Variants in ECPAS observed in about 807,000 individuals in gnomAD.
ECPAS encodes the protein proteasome adapter and scaffold protein ECM29.
ECPAS carries 70 observed loss-of-function variants against 255.1 expected under a neutral mutation model. The ratio of observed to expected loss-of-function variants is 0.27; its 90% CI spans 0.23 to 0.33. The LOEUF (loss-of-function observed/expected upper bound fraction) is 0.33. ECPAS is among the 10% of genes least tolerant of loss of function. The pLI is 1.00. For synonymous variants in ECPAS, 784 were observed against 775.0 expected, an observed-to-expected ratio of 1.01 and a Z score of -0.19; for missense variants, 1,817 against 2,206.4, an observed-to-expected ratio of 0.82 and a Z score of 3.54.
rs2098113391 is a variant in ECPAS at position 111,361,630 on chromosome 9, T to A, written c.*400A>T. The stretch of plus-strand genomic sequence containing the variant: ...ACACAGCTTCCTATTTCTTCAGGTG[T>A]AAGAGGGAGGTTAAAATAAGTTATT... On this transcript the variant is annotated 3_prime_UTR_variant, in exon 50 of 50. Coordinates refer to ENST00000684092, the MANE Select transcript of ECPAS (RefSeq NM_001364929.1). The A allele has an allele frequency of 6.5e-6, 1 of 153,850 alleles. No homozygotes were observed. Among genetic ancestry groups the A allele is most frequent in the Non-Finnish European group, 1.4e-5 (1 of 69,566 alleles). The allele number at this position is 153,850 out of a possible 1,614,324, so 9.5% of individuals were successfully genotyped here. A position where few individuals can be genotyped will look rare whatever the true frequency, so the allele number is the denominator to read the frequency against.
intron 29 of ECPAS, among the ~76,000 whole-genome samples, chr9:111,390,972 C>A (rs1299195845): frequency 6.6e-6 from 1 of 152,176 alleles, no homozygotes; most frequent in Non-Finnish European, 1.5e-5. Context: ...GTCAGTCTCC[C>A]ACAACTGCCC....
chr9:111,466,370 G>A (rs968629412), intron 2 of ECPAS, among the ~76,000 whole-genome samples: 35 of 152,074 alleles, frequency 2.3e-4, no homozygotes, highest in African/African-American at 8.0e-4. Flanking sequence ...GCTTGAACCC[G>A]GGAGGTAGAG....
In ECPAS at chr9:111,428,061, G is replaced by A. The variant is rs200310576; in HGVS notation, c.1031C>T (p.Thr344Met). Residue 344 changes from threonine to methionine, a missense_variant, in exon 10 of 50, where the codon ACG (threonine) becomes ATG (methionine). Coordinates refer to ENST00000684092, the MANE Select transcript of ECPAS (RefSeq NM_001364929.1). ...AATTACCTGAATGTTGGCTGGGAAC[G>A]TTTCAGCAGCTTGTCTAGAGCGGAG... ...HLLRSRQAAETFPANIQVVYD... is the reference protein window; with the variant it reads ...HLLRSRQAAEMFPANIQVVYD... 27 of 1,613,340 alleles carry A rather than the reference G, an allele frequency of 1.7e-5. No homozygotes were observed. The East Asian group carries it at 2.5e-4, about 15-fold the overall frequency.
intron 1 of ECPAS, among the ~76,000 whole-genome samples, chr9:111,476,001 TCCTCTAAAAGAGCTA>T (rs930787866): frequency 9.2e-5 from 14 of 152,256 alleles, no homozygotes; most frequent in Admixed American, 6.5e-4. Flanking sequence ...CCAAATCTCA[TCCTCTAAAAGAGCTA>T]CCAGGATTCC....
At chr9:111,366,141 G>T in intron 48 of ECPAS, 98 bp downstream of exon 48, 1 of 771,364 alleles carries the variant, frequency 1.3e-6, no homozygotes, top group South Asian at 1.7e-5. Flanking sequence ...AGCTATTTCA[G>T]AAATTTAGTT....
At chr9:111,422,733 G>A (rs531553106) in intron 13 of ECPAS, among the ~76,000 whole-genome samples, 1 of 152,102 alleles carries the variant, frequency 6.6e-6, no homozygotes, top group African/African-American at 2.4e-5. Context: ...TTCAAATACA[G>A]TGAAGGAAGA....
intron 17 of ECPAS, among the ~76,000 whole-genome samples, chr9:111,417,112 C>A (rs531319418): frequency 6.6e-6 from 1 of 151,964 alleles, no homozygotes; most frequent in Non-Finnish European, 1.5e-5. Flanking sequence ...CGGTGGTGCA[C>A]GCCTGTAGTC....
intron 24 of ECPAS, 117 bp from the exon 25 acceptor site, chr9:111,397,270 C>T: frequency 7.7e-7 from 1 of 1,304,766 alleles, no homozygotes; most frequent in African/African-American, 1.5e-5. Context: ...TCACTCTTTG[C>T]CCTAGTTTGC....
intron 9 of ECPAS, among the ~76,000 whole-genome samples, chr9:111,430,101 T>C (rs1005874645): frequency 6.6e-6 from 1 of 152,252 alleles, no homozygotes; most frequent in Non-Finnish European, 1.5e-5. Context: ...CATTTTGTAA[T>C]GGTTAAAAAA....
At chr9:111,435,326 T>C (rs1488345777) in intron 7 of ECPAS, among the ~76,000 whole-genome samples, 1 of 152,170 alleles carries the variant, frequency 6.6e-6, no homozygotes, top group Non-Finnish European at 1.5e-5. Context: ...TAGAGGAAAA[T>C]AGCTTTCATC....
At position 111,373,336 on chromosome 9, in the gene ECPAS, A is replaced by C; in HGVS notation, c.4248T>G (p.Phe1416Leu). 1 of 1,613,894 alleles carries C rather than the reference A, an allele frequency of 6.2e-7. No individual in the cohort carries two copies. Among genetic ancestry groups the C allele is most frequent in the Non-Finnish European group, 8.5e-7 (1 of 1,179,816 alleles). Residue 1416 changes from phenylalanine (F) to leucine (L), a missense_variant, in exon 40 of 50, where the codon TTT (phenylalanine) becomes TTG (leucine). Around this residue, in one of 4 missense-constraint regions of ECPAS, gnomAD observed 960 missense variants for 1,179.0 expected, o/e 0.81. Transcript: ENST00000684092. ...RNSVIQKSCAFAMGHLVRTSR... is the reference protein window; with the variant it reads ...RNSVIQKSCALAMGHLVRTSR... ...TCACCCGAACTAAATGGCCCATAGC[A>C]AATGCACAAGATTTCTGAATCACAC...
At chr9:111,474,446 T>C (rs562655350) in intron 1 of ECPAS, among the ~76,000 whole-genome samples, 2 of 152,320 alleles carry the variant, frequency 1.3e-5, no homozygotes, top group Admixed American at 6.5e-5. Flanking sequence ...CTGTCCCAAC[T>C]CAGACCCTAA....
intron 35 of ECPAS, among the ~76,000 whole-genome samples, chr9:111,379,955 T>C (rs987945573): frequency 2.6e-5 from 4 of 152,172 alleles, no homozygotes; most frequent in African/African-American, 9.7e-5. Flanking sequence ...TCCATGAAAG[T>C]TGGAATCAAC....
rs2098186415 is a variant in ECPAS, at chr9:111,407,428, A to AAAAAG, written c.2652+1142_2652+1143insCTTTT. Among the ~76,000 whole-genome samples the AAAAAG allele has an allele frequency of 7.4e-4, 73 of 98,720 alleles. 4 individuals are homozygous for AAAAAG. Among genetic ancestry groups the AAAAAG allele is most frequent in the Non-Finnish European group, 1.4e-3 (55 of 38,756 alleles). 64.8% of individuals were successfully genotyped at this position (98,720 alleles called of 152,430 possible). A position where few individuals can be genotyped will look rare whatever the true frequency, so the allele number is the denominator to read the frequency against. ...GAAAAAAAAAAAAAAAAAAAAAAAAAAAAAAAAAAACCTAGAAGAAACCCA... is the reference window on the plus strand; with the variant it reads ...GAAAAAAAAAAAAAAAAAAAAAAAAAAAAAGAAAAAAAAAACCTAGAAGAAACCCA... On this transcript the variant is annotated intron_variant, in intron 24 of 49. Coordinates refer to ENST00000684092, the MANE Select transcript of ECPAS (RefSeq NM_001364929.1).
At chr9:111,404,691 G>A (rs2098181292) in intron 24 of ECPAS, among the ~76,000 whole-genome samples, 1 of 148,990 alleles carries the variant, frequency 6.7e-6, no homozygotes, top group Non-Finnish European at 1.5e-5. Flanking sequence ...AGAACTGTGA[G>A]TCAATTAAAC....
chr9:111,470,587 G>A (rs951971633), intron 2 of ECPAS, among the ~76,000 whole-genome samples: 1 of 152,158 alleles, frequency 6.6e-6, no homozygotes, highest in South Asian at 2.1e-4. Flanking sequence ...TGGGATTACA[G>A]GCGTGAGCCA....
At chr9:111,450,236 G>A (rs2098258551) in intron 3 of ECPAS, among the ~76,000 whole-genome samples, 2 of 152,106 alleles carry the variant, frequency 1.3e-5, no homozygotes, top group African/African-American at 4.8e-5. Flanking sequence ...ATCAACTCAC[G>A]AAGGGCCTCT....
At chr9:111,430,205 C>T (rs1271015259) in intron 9 of ECPAS, among the ~76,000 whole-genome samples, 1 of 152,194 alleles carries the variant, frequency 6.6e-6, no homozygotes, top group Non-Finnish European at 1.5e-5. Flanking sequence ...CATGCTCATT[C>T]GGTTATGTAT....
At chr9:111,368,746 G>A (rs887301354) in intron 46 of ECPAS, among the ~76,000 whole-genome samples, 7 of 152,282 alleles carry the variant, frequency 4.6e-5, no homozygotes, top group South Asian at 2.1e-4. Flanking sequence ...CCCTGCTGAC[G>A]CCTTGATCTC....
Sources: allele counts gnomAD v4.1 joint callset (sites outside exome capture counted in the v4.1 genomes callset), GRCh38; gene constraint gnomAD v4.1.1; regional missense constraint gnomAD v4.1.1; transcripts MANE v1.5; gene names NCBI Gene and HGNC (gene_info 2026-07-23, HGNC 2026-07-21).